The following ZNF740 variants were observed in gnomAD, a reference collection of about 807,000 sequenced individuals.
The protein encoded by ZNF740 is oriLyt TD-element-binding protein 7.
In ZNF740, 14 loss-of-function variants were observed where a neutral mutation model predicts 24.8. The observed-to-expected ratio is 0.56, with a 90% CI of 0.37 to 0.88. The LOEUF (loss-of-function observed/expected upper bound fraction) is 0.88. Among genes scored for constraint, ZNF740 ranks in the 40% least tolerant of loss-of-function variants. ZNF740 has a pLI of 0.00. For synonymous variants in ZNF740, 69 were observed against 84.0 expected, an observed-to-expected ratio of 0.82 and a Z score of 0.98; for missense variants, 201 against 247.9, an observed-to-expected ratio of 0.81 and a Z score of 1.27.
In ZNF740 at chr12:53,192,510, T is replaced by C. The variant is rs1592395675; in HGVS notation, c.*4920T>C. 6.2e-7 allele frequency: 1 copy of C among 1,613,956 alleles called. No individual in the cohort carries two copies. Among genetic ancestry groups the C allele is most frequent in the African/African-American group, 1.3e-5 (1 of 74,930 alleles). On this transcript the variant is annotated 3_prime_UTR_variant, in exon 7 of 7. Coordinates refer to ENST00000416904, the MANE Select transcript of ZNF740 (RefSeq NM_001004304.4). ...CTGCAGTTGGTGGCCAGTGGGCCAGTCCTGAAGGCCCCACACTCTGCACAG... is the reference window on the plus strand; with the variant it reads ...CTGCAGTTGGTGGCCAGTGGGCCAGCCCTGAAGGCCCCACACTCTGCACAG...
chr12:53,181,913 C>G lies in ZNF740; in HGVS notation c.-71C>G, dbSNP rs376011915. 6.4e-7 allele frequency: 1 copy of G among 1,571,380 alleles called. No individual in the cohort carries two copies. Among genetic ancestry groups the G allele is most frequent in the African/African-American group, 1.4e-5 (1 of 73,962 alleles). On this transcript the variant is annotated 5_prime_UTR_variant, in exon 2 of 7. Transcript: ENST00000416904. The stretch of plus-strand genomic sequence containing the variant: ...GTGATTTGGTGACAGTTCTTCAAAA[C>G]GACAGTGTCTCAAGGAAAGGTGGAC...
At position 53,181,675 on chromosome 12, in the gene ZNF740, A is replaced by G; in HGVS notation, c.-307-2A>G. 4.7e-6 allele frequency: 2 copies of G among 423,090 alleles called. No homozygotes were observed. The highest frequency in any genetic ancestry group is 7.6e-6 in the Non-Finnish European group (2 of 262,360). The allele number at this position is 423,090 out of a possible 1,614,324, so 26.2% of individuals were successfully genotyped here. On this transcript the variant is annotated splice_acceptor_variant, in intron 1 of 6. Transcript: ENST00000416904. LOFTEE classifies it low-confidence loss of function (5UTR_SPLICE). The stretch of plus-strand genomic sequence containing the variant: ...AGCCCCCCTCTTCCTTTCTGGTTTC[A>G]GGTTTCTGAAACAGATCGTGAGCTT...
At chr12:53,185,107 C>T in intron 3 of ZNF740, 67 bp downstream of exon 3, 1 of 1,598,768 alleles carries the variant, frequency 6.3e-7, no homozygotes. Flanking sequence ...CAGGAGATAC[C>T]AAGCTCTGAT....
At chr12:53,185,651 T>A (rs1399281266) in intron 4 of ZNF740, among the ~76,000 whole-genome samples, 175 bp downstream of exon 4, 1 of 152,180 alleles carries the variant, frequency 6.6e-6, no homozygotes, top group African/African-American at 2.4e-5. Flanking sequence ...ATCTCCTGCC[T>A]TGCTGGAACA....
intron 2 of ZNF740, 25 bp from the exon 3 acceptor site, chr12:53,184,866 G>A: frequency 6.2e-7 from 1 of 1,604,336 alleles, no homozygotes; most frequent in East Asian, 2.2e-5. Flanking sequence ...CAGGTGACCT[G>A]ACACCTCATC....
In ZNF740 at chr12:53,193,164, G is replaced by A. The variant is rs770423234; in HGVS notation, c.*5574G>A. ...CCTCCGCAGAGGATGCCCTCATGTCGCTCACAGCTGGCATCGTCACACTCG... is the reference window on the plus strand; with the variant it reads ...CCTCCGCAGAGGATGCCCTCATGTCACTCACAGCTGGCATCGTCACACTCG... On this transcript the variant is annotated 3_prime_UTR_variant, in exon 7 of 7. Transcript: ENST00000416904. 4 of 1,612,572 alleles carry A rather than the reference G, an allele frequency of 2.5e-6. No homozygotes were observed. The highest frequency in any genetic ancestry group is 2.7e-5 in the African/African-American group (2 of 74,868).
chr12:53,185,169 T>C, intron 3 of ZNF740, 129 bp downstream of exon 3: 1 of 1,415,158 alleles, frequency 7.1e-7, no homozygotes, highest in Non-Finnish European at 9.6e-7. Flanking sequence ...AACTGGGGAA[T>C]GGATGAACAT....
At position 53,192,413 on chromosome 12, in the gene ZNF740, C is replaced by T. The variant is rs1379621736; in HGVS notation, c.*4823C>T. The T allele has an allele frequency of 8.7e-6, 14 of 1,614,108 alleles. No individual in the cohort carries two copies. The highest frequency in any genetic ancestry group is 2.2e-5 in the South Asian group (2 of 91,064). ...GAAGAACAGCTGGTTGTCCAGGGTC[C>T]GCTCTTTGCACCAGCCATCATCCAA... On this transcript the variant is annotated 3_prime_UTR_variant, in exon 7 of 7. Transcript: ENST00000416904.
At chr12:53,187,118 A>G (rs1377057043) in intron 6 of ZNF740, among the ~76,000 whole-genome samples, 2 of 152,230 alleles carry the variant, frequency 1.3e-5, no homozygotes, top group African/African-American at 2.4e-5. Flanking sequence ...TAAAAGCTCC[A>G]TGAGGGCAGA....
chr12:53,192,160 C>T lies in ZNF740; in HGVS notation c.*4570C>T. On this transcript the variant is annotated 3_prime_UTR_variant, in exon 7 of 7. Transcript: ENST00000416904. ...CCAGGGAGGTCCAAGGTTATCCTCA[C>T]CGCCCAGGGCCTTAGCCTCGTCCAC... 1 of 1,211,712 alleles carries T rather than the reference C, an allele frequency of 8.3e-7. No homozygotes were observed. Among genetic ancestry groups the T allele is most frequent in the South Asian group, 1.4e-5 (1 of 70,374 alleles). The allele number at this position is 1,211,712 out of a possible 1,614,324, so 75.1% of individuals were successfully genotyped here.
rs769633666 is a variant in ZNF740, at chr12:53,186,427, G to A, written c.410G>A (p.Arg137His). The A allele has an allele frequency of 3.8e-6, 6 of 1,590,350 alleles. No homozygotes were observed. Among genetic ancestry groups the A allele is most frequent in the Non-Finnish European group, 5.1e-6 (6 of 1,167,780 alleles). Reference protein sequence around the residue: ...KPFECDICDMRFIQKYHLERH... With the variant: ...KPFECDICDMHFIQKYHLERH... ...TTTGAATGCGATATATGTGATATGC[G>A]TTTCATCCAGAAGTACCACCTGGAA... Residue 137 changes from arginine (R) to histidine (H), a missense_variant, in exon 6 of 7, where the codon CGT becomes CAT. Around this residue, in one of 3 missense-constraint regions of ZNF740, gnomAD observed 60 missense variants for 107.8 expected, o/e 0.56. Coordinates refer to ENST00000416904, the MANE Select transcript of ZNF740 (RefSeq NM_001004304.4).
At position 53,194,389 on chromosome 12, in the gene ZNF740, G is replaced by A; in HGVS notation, c.*6799G>A. On this transcript the variant is annotated 3_prime_UTR_variant, in exon 7 of 7. Transcript: ENST00000416904. The stretch of plus-strand genomic sequence containing the variant: ...GGATAACCACGTGAAGGCAGAAAAG[G>A]ACTCCAACCCCACCTTATGTCCTCT... The A allele has an allele frequency of 2.5e-6, 4 of 1,599,486 alleles. No individual in the cohort carries two copies. Among genetic ancestry groups the A allele is most frequent in the Non-Finnish European group, 3.4e-6 (4 of 1,169,958 alleles).
Position 53,190,285 on chromosome 12 carries a change from C to G in ZNF740, c.*2695C>G, listed in dbSNP as rs369655176. 2 of 152,812 alleles carry G rather than the reference C, an allele frequency of 1.3e-5. No individual in the cohort carries two copies. The highest frequency in any genetic ancestry group is 2.1e-4 in the South Asian group (1 of 4,832). 9.5% of individuals were successfully genotyped at this position (152,812 alleles called of 1,614,324 possible). On this transcript the variant is annotated 3_prime_UTR_variant, in exon 7 of 7. Coordinates refer to ENST00000416904, the MANE Select transcript of ZNF740 (RefSeq NM_001004304.4). ...GCTGCAGAGGCTCCTGGGCCCAATGCCCGACCCCTGCTGGCCAGCATGGGG... is the reference window on the plus strand; with the variant it reads ...GCTGCAGAGGCTCCTGGGCCCAATGGCCGACCCCTGCTGGCCAGCATGGGG...
In ZNF740 at chr12:53,186,386, G is replaced by T. The variant is rs114109914; in HGVS notation, c.374-5G>T. 1.3e-6 allele frequency: 2 copies of T among 1,565,662 alleles called. No individual in the cohort carries two copies. Among genetic ancestry groups the T allele is most frequent in the Admixed American group, 1.9e-5 (1 of 52,636 alleles). On this transcript the variant is annotated splice_polypyrimidine_tract_variant and splice_region_variant and intron_variant, in intron 5 of 6. Transcript: ENST00000416904. ...CACATTCACTTCTCTGTCCACCTGG[G>T]CCAGGTGAGAAGCCATTTGAATGCG...
At position 53,193,837 on chromosome 12, in the gene ZNF740, C is replaced by A. The variant is rs767275705; in HGVS notation, c.*6247C>A. 6.2e-7 allele frequency: 1 copy of A among 1,613,958 alleles called. No individual in the cohort carries two copies. Among genetic ancestry groups the A allele is most frequent in the Admixed American group, 1.7e-5 (1 of 59,992 alleles). ...CAGCTCCTCTGAGAAGCCAAGGGCC[C>A]GGAGCCTCAGGAGATGGGGCTCTGG... On this transcript the variant is annotated 3_prime_UTR_variant, in exon 7 of 7. Transcript: ENST00000416904.
Position 53,193,464 on chromosome 12 carries a change from GAGAC to G in ZNF740, c.*5880_*5883del, listed in dbSNP as rs1413006029. ...TAAACCCAAGTTCTCAAAAGAGTTG[GAGAC>G]AGACAAACAGCTGAAAGGATGTTAA... On this transcript the variant is annotated 3_prime_UTR_variant, in exon 7 of 7. Transcript: ENST00000416904. 59 of 893,100 alleles carry G rather than the reference GAGAC, an allele frequency of 6.6e-5. 1 individual carries two copies. Among genetic ancestry groups the G allele is most frequent in the Non-Finnish European group, 8.9e-5 (53 of 597,324 alleles). 55.3% of individuals were successfully genotyped at this position (893,100 alleles called of 1,614,324 possible). A position where few individuals can be genotyped will look rare whatever the true frequency, so the allele number is the denominator to read the frequency against.
In ZNF740 at chr12:53,194,438, C is replaced by A; in HGVS notation, c.*6848C>A. The A allele has an allele frequency of 3.0e-6, 4 of 1,313,908 alleles. No individual in the cohort carries two copies. The South Asian group carries it at 4.0e-5, about 13-fold the overall frequency. 81.4% of individuals were successfully genotyped at this position (1,313,908 alleles called of 1,614,324 possible). On this transcript the variant is annotated 3_prime_UTR_variant, in exon 7 of 7. Coordinates refer to ENST00000416904, the MANE Select transcript of ZNF740 (RefSeq NM_001004304.4). ...CTCCAGGTGTTCCCAATTCTGCCAG[C>A]ACCCTGCCCTCTGCCACCTGGGGCT...
At position 53,190,567 on chromosome 12, in the gene ZNF740, A is replaced by G. The variant is rs1014863423; in HGVS notation, c.*2977A>G. ...TGGCTTGACATTGGAGGGTTACATT[A>G]GTGGAGTCCGCCACAGCTTCGAACC... On this transcript the variant is annotated 3_prime_UTR_variant, in exon 7 of 7. Coordinates refer to ENST00000416904, the MANE Select transcript of ZNF740 (RefSeq NM_001004304.4). 3 of 152,556 alleles carry G rather than the reference A, an allele frequency of 2.0e-5. No individual in the cohort carries two copies. The highest frequency in any genetic ancestry group is 2.9e-5 in the Non-Finnish European group (2 of 68,046). The allele number at this position is 152,556 out of a possible 1,614,324, so 9.5% of individuals were successfully genotyped here.
chr12:53,181,092 G>C, intron 1 of ZNF740: 1 of 908,314 alleles, frequency 1.1e-6, no homozygotes, highest in South Asian at 5.1e-5. Context: ...CATCTCGCGC[G>C]CTTCTCGGCA....
Sources: allele counts gnomAD v4.1 joint callset (sites outside exome capture counted in the v4.1 genomes callset), GRCh38; gene constraint gnomAD v4.1.1; regional missense constraint gnomAD v4.1.1; transcripts MANE v1.5; gene names NCBI Gene and HGNC (gene_info 2026-07-23, HGNC 2026-07-21).